DIP2C: variants seen among roughly 807,000 people sequenced by gnomAD.
DIP2C encodes the protein disco-interacting protein 2 homolog C.
A neutral mutation model predicts 192.4 loss-of-function variants in DIP2C; 33 were observed. That is an observed-to-expected ratio of 0.17 (90% CI 0.13 to 0.23). DIP2C has a LOEUF of 0.23. DIP2C is among the 10% of genes least tolerant of loss of function. DIP2C has a pLI of 1.00. For missense variants in DIP2C, 1,537 were observed against 2,110.1 expected, an observed-to-expected ratio of 0.73 and a Z score of 5.32; for synonymous variants, 979 against 864.1, an observed-to-expected ratio of 1.13 and a Z score of -2.33.
chr10:585,444 C>CT (rs145247013), intron 1 of DIP2C, among the ~76,000 whole-genome samples: 1,712 of 152,330 alleles, frequency 0.011, 37 homozygotes, highest in African/African-American at 0.038. Flanking sequence ...GCCTCAAGCG[C>CT]TTTTAATAAT....
In DIP2C at chr10:423,069, A is replaced by C. The variant is rs113336366; in HGVS notation, c.395-36T>G. The C allele has an allele frequency of 2.5e-3, 3,828 of 1,546,046 alleles. 84 individuals are homozygous for C. The African/African-American group carries it at 0.047, about 19-fold the overall frequency. On this transcript the variant is annotated intron_variant, in intron 4 of 36. Coordinates refer to ENST00000280886, the MANE Select transcript of DIP2C (RefSeq NM_014974.3). Reference sequence around the variant, plus strand: ...AGAAAGGTGATTTGCTGTATGTTGCAGCAAAAACGTGCACCACAATCTCAG... The same window carrying C: ...AGAAAGGTGATTTGCTGTATGTTGCCGCAAAAACGTGCACCACAATCTCAG...
intron 3 of DIP2C, 138 bp downstream of exon 3, chr10:472,301 C>T (rs890588081): frequency 4.4e-5 from 29 of 656,408 alleles, no homozygotes; most frequent in Middle Eastern, 4.4e-4. Context: ...AGGGTGTGTC[C>T]GTGCAGAAAG....
At chr10:394,459 G>A (rs1462288582) in intron 10 of DIP2C, among the ~76,000 whole-genome samples, 1 of 152,100 alleles carries the variant, frequency 6.6e-6, no homozygotes, top group African/African-American at 2.4e-5. Context: ...CAGCGAGGAG[G>A]GAAGTCTGCC....
At chr10:667,084 T>C (rs1044390941) in intron 1 of DIP2C, 1 of 152,270 alleles carries the variant, frequency 6.6e-6, no homozygotes, top group Non-Finnish European at 1.5e-5. Flanking sequence ...CCAGGTGCGG[T>C]GGTTCATGCC....
At chr10:321,077 T>C (rs1956985476) in intron 31 of DIP2C, among the ~76,000 whole-genome samples, 1 of 152,196 alleles carries the variant, frequency 6.6e-6, no homozygotes, top group African/African-American at 2.4e-5. Context: ...AGGCAGACGC[T>C]TGGGGCTGGA....
chr10:441,027 C>T (rs777579122), intron 3 of DIP2C, 31 bp from the exon 4 acceptor site: 4 of 1,600,532 alleles, frequency 2.5e-6, no homozygotes, highest in Non-Finnish European at 3.4e-6. Flanking sequence ...TCACTCAGTG[C>T]TCAGCTGAGG....
rs551032897 is a variant in DIP2C, at chr10:585,364, C to T, written c.86-98834G>A. 8.5e-5 allele frequency among the ~76,000 whole-genome samples: 13 copies of T among 152,318 alleles called. 1 individual carries two copies. The South Asian group carries it at 2.3e-3, about 27-fold the overall frequency. ...TTCCCTACTGAATTCGCTCAGAAGA[C>T]GGGTGTTCCCAAACACACACAGCCC... On this transcript the variant is annotated intron_variant, in intron 1 of 36. Coordinates refer to ENST00000280886, the MANE Select transcript of DIP2C (RefSeq NM_014974.3).
At chr10:325,309 G>A (rs1957226930) in intron 31 of DIP2C, among the ~76,000 whole-genome samples, 1 of 152,104 alleles carries the variant, frequency 6.6e-6, no homozygotes, top group African/African-American at 2.4e-5. Flanking sequence ...CCAGGTGGAT[G>A]GAAATAAATG....
At chr10:657,246 CCTGAT>C in intron 1 of DIP2C, among the ~76,000 whole-genome samples, 1 of 79,998 alleles carries the variant, frequency 1.3e-5, no homozygotes. Context: ...TGCCGCTGGA[CCTGAT>C]GCTGGACCTG....
rs1013246790 is a variant in DIP2C at position 480,018 on chromosome 10, G to C, written c.157+6441C>G. Among the ~76,000 whole-genome samples the C allele has an allele frequency of 7.3e-4, 107 of 146,494 alleles. 1 individual carries two copies. The highest frequency in any genetic ancestry group is 2.6e-3 in the African/African-American group (102 of 39,016). On this transcript the variant is annotated intron_variant, in intron 2 of 36. Transcript: ENST00000280886. ...CCTGAGCTCCAGTCGACGCTCACTG[G>C]ATGAGGGTTCTCATCCGGCAGCCTG...
At chr10:557,723 AGGGGAGGGGAAGGGGGAGAGGATGGGTG>A (rs1848964102) in intron 1 of DIP2C, among the ~76,000 whole-genome samples, 1 of 40,346 alleles carries the variant, frequency 2.5e-5, no homozygotes. Context: ...TGGGCAGGGC[AGGGGAGGGGAAGGGGGAGAGGATGGGTG>A]GGAAGGGGGA....
At chr10:334,507 C>T (rs910768581) in intron 29 of DIP2C, among the ~76,000 whole-genome samples, 2 of 151,922 alleles carry the variant, frequency 1.3e-5, no homozygotes, top group African/African-American at 4.8e-5. Context: ...GAACTCTGTG[C>T]CTAACCAAGA....
At position 495,052 on chromosome 10, in the gene DIP2C, G is replaced by C. The variant is rs140576788; in HGVS notation, c.86-8522C>G. Among the ~76,000 whole-genome samples the C allele has an allele frequency of 4.2e-3, 644 of 152,292 alleles. 4 individuals carry two copies. Among genetic ancestry groups the C allele is most frequent in the Middle Eastern group, 0.024 (7 of 294 alleles). The stretch of plus-strand genomic sequence containing the variant: ...CAAAACAAATACTATTCAACTTAAC[G>C]AACTAAATTCTGCCACTTACAAAAA... On this transcript the variant is annotated intron_variant, in intron 1 of 36. Transcript: ENST00000280886.
At chr10:417,660 T>TGCCTGCG (rs1564684603) in intron 6 of DIP2C, among the ~76,000 whole-genome samples, 3 of 12,124 alleles carry the variant, frequency 2.5e-4, no homozygotes, top group Admixed American at 9.5e-4. Flanking sequence ...GTCCACCTGT[T>TGCCTGCG]CCTGTCAGGG....
chr10:595,623 G>A (rs139876427), intron 1 of DIP2C, among the ~76,000 whole-genome samples: 331 of 138,824 alleles, frequency 2.4e-3, no homozygotes, highest in Admixed American at 4.2e-3. Context: ...AAAAGCTCCA[G>A]TTGTCCCTCC....
At chr10:293,313 G>A (rs374831050) in intron 32 of DIP2C, among the ~76,000 whole-genome samples, 1 of 152,240 alleles carries the variant, frequency 6.6e-6, no homozygotes, top group Non-Finnish European at 1.5e-5. Flanking sequence ...ATTTCAAGGG[G>A]AGCAAACAGG....
intron 1 of DIP2C, among the ~76,000 whole-genome samples, chr10:512,047 C>T (rs541789960): frequency 1.4e-4 from 21 of 152,208 alleles, no homozygotes; most frequent in Non-Finnish European, 2.8e-4. Context: ...GGGTCGCCCA[C>T]AGACGGCCGT....
At chr10:423,247 G>T (rs562824007) in intron 4 of DIP2C, among the ~76,000 whole-genome samples, 1 of 152,228 alleles carries the variant, frequency 6.6e-6, no homozygotes, top group East Asian at 1.9e-4. Flanking sequence ...ATATAAACAT[G>T]CTATAAGATG....
rs758869773 is a variant in DIP2C at position 277,456 on chromosome 10, C to T, written c.4540G>A (p.Val1514Ile). 8 of 1,614,178 alleles carry T rather than the reference C, an allele frequency of 5.0e-6. No homozygotes were observed. Among genetic ancestry groups the T allele is most frequent in the Non-Finnish European group, 5.9e-6 (7 of 1,180,036 alleles). Reference protein sequence around the residue: ...NVVLEEHYLIVGVVVVVDIGV... With the variant: ...NVVLEEHYLIIGVVVVVDIGV... The stretch of plus-strand genomic sequence containing the variant: ...ATGTCCACCACGACCACCACTCCGA[C>T]GATCAGGTAGTGCTCCTCCAGGACC... Residue 1514 changes from valine to isoleucine, a missense_variant, in exon 37 of 37, where the codon GTC becomes ATC. Val to Ile is a conservative substitution (Grantham distance 29). Coordinates refer to ENST00000280886, the MANE Select transcript of DIP2C (RefSeq NM_014974.3).
Sources: gnomAD v4.1 joint callset for allele counts (sites outside exome capture counted in the v4.1 genomes callset) on GRCh38, gnomAD v4.1.1 for gene constraint, MANE v1.5 for transcripts, NCBI Gene and HGNC (gene_info 2026-07-23, HGNC 2026-07-21) for gene names.